The following LAMB4 variants were observed in gnomAD, a reference collection of about 807,000 sequenced individuals.
LAMB4 encodes laminin subunit beta-4.
LAMB4 carries 196 observed loss-of-function variants against 199.2 expected under a neutral mutation model. The ratio of observed to expected loss-of-function variants is 0.98; its 90% CI spans 0.88 to 1.11. LAMB4 has a LOEUF of 1.11. LAMB4 is among the 50% of genes least tolerant of loss of function. The pLI is 0.00. For missense variants in LAMB4, 2,080 were observed against 2,171.2 expected, an observed-to-expected ratio of 0.96 and a Z score of 0.83; for synonymous variants, 744 against 770.6, an observed-to-expected ratio of 0.97 and a Z score of 0.57.
chr7:108,119,782 C>A (rs1468549946), intron 2 of LAMB4, among the ~76,000 whole-genome samples: 1 of 152,090 alleles, frequency 6.6e-6, no homozygotes, highest in Non-Finnish European at 1.5e-5. Context: ...CTGGTGAAAT[C>A]TGAATAAGGC....
At position 108,049,409 on chromosome 7, in the gene LAMB4, C is replaced by T; in HGVS notation, c.4039G>A (p.Asp1347Asn). Residue 1347 changes from aspartate to asparagine, a missense_variant, in exon 27 of 34, where the codon GAT becomes AAT. Physicochemically the swap from Asp to Asn is conservative, Grantham distance 23. Coordinates refer to ENST00000388781, the MANE Select transcript of LAMB4 (RefSeq NM_007356.3). Reference protein sequence around the residue: ...NTRNDLLTILDTLTSKGNLSL... With the variant: ...NTRNDLLTILNTLTSKGNLSL... ...AAGTTTCCTTTTGAGGTTAGTGTAT[C>T]TAAGATGGTAAGTAAGTCATTCCTT... 6.3e-7 allele frequency: 1 copy of T among 1,595,434 alleles called. No individual in the cohort carries two copies. Among genetic ancestry groups the T allele is most frequent in the Non-Finnish European group, 8.6e-7 (1 of 1,164,682 alleles).
chr7:108,083,521 T>C (rs1198045023), intron 14 of LAMB4, among the ~76,000 whole-genome samples: 1 of 152,166 alleles, frequency 6.6e-6, no homozygotes, highest in East Asian at 1.9e-4. Flanking sequence ...AGTTCAGCCA[T>C]GGTCATGCGA....
At chr7:108,129,226 T>TAC (rs2038897845) in intron 1 of LAMB4, among the ~76,000 whole-genome samples, 1 of 152,212 alleles carries the variant, frequency 6.6e-6, no homozygotes, top group East Asian at 1.9e-4. Context: ...CACAGGTGCA[T>TAC]CGTGTTTGAT....
At chr7:108,062,578 G>A in intron 23 of LAMB4, 196 bp downstream of exon 23, 1 of 377,644 alleles carries the variant, frequency 2.6e-6, no homozygotes, top group Non-Finnish European at 4.7e-6. Flanking sequence ...AGGCGAAGCT[G>A]AACTTTGAGA....
chr7:108,082,801 G>C (rs2037005988), intron 14 of LAMB4, among the ~76,000 whole-genome samples: 1 of 152,168 alleles, frequency 6.6e-6, no homozygotes, highest in Admixed American at 6.5e-5. Context: ...TTGCAAATCA[G>C]GGTCATCCTC....
chr7:108,077,045 G>T lies in LAMB4; in HGVS notation c.2023C>A (p.Pro675Thr). The T allele has an allele frequency of 1.2e-6, 2 of 1,613,616 alleles. No individual in the cohort carries two copies. The highest frequency in any genetic ancestry group is 1.1e-5 in the South Asian group (1 of 91,052). Residue 675 changes from proline (P) to threonine (T), a missense_variant, in exon 17 of 34, where the codon CCC (proline) becomes ACC (threonine). Transcript: ENST00000388781. ...TGTACATCTGGTTCTAAACAGATGG[G>T]TGTGGGAAGCAGCATGATTCTGTAT... is the stretch of plus-strand genomic sequence containing the variant. ...AATRIMLLPT[P>T]ICLEPDVQYS...
intron 19 of LAMB4, among the ~76,000 whole-genome samples, chr7:108,067,167 G>C (rs2036372295): frequency 6.6e-6 from 1 of 152,062 alleles, no homozygotes; most frequent in Admixed American, 6.6e-5. Context: ...CCTTTGTCTA[G>C]ATCCCTCTGT....
At chr7:108,066,632 G>A (rs185550579) in intron 19 of LAMB4, 32 bp from the exon 20 acceptor site, 116 of 1,383,414 alleles carry the variant, frequency 8.4e-5, no homozygotes, top group African/African-American at 5.3e-4. Context: ...ATGCTGGAGC[G>A]GGGATGAGTG....
chr7:108,079,823 A>T, intron 14 of LAMB4, 37 bp from the exon 15 acceptor site: 1 of 1,499,160 alleles, frequency 6.7e-7, no homozygotes, highest in Non-Finnish European at 8.9e-7. Flanking sequence ...CTTTGCCTAC[A>T]GTCAAGGCCT....
Position 108,037,332 on chromosome 7 carries a change from G to A in LAMB4, c.4679+56C>T. 14 of 1,349,124 alleles carry A rather than the reference G, an allele frequency of 1.0e-5. 1 individual carries two copies. The South Asian group carries it at 1.7e-4, about 17-fold the overall frequency. The allele number at this position is 1,349,124 out of a possible 1,614,324, so 83.6% of individuals were successfully genotyped here. The stretch of plus-strand genomic sequence containing the variant: ...ATCCCTAGGCAAACATTTTCCTGAT[G>A]TCCTTTCAGCAGATGGTCTGTTAGA... On this transcript the variant is annotated intron_variant, in intron 30 of 33. Transcript: ENST00000388781.
chr7:108,124,281 T>C (rs981467578), intron 1 of LAMB4, among the ~76,000 whole-genome samples: 4 of 152,228 alleles, frequency 2.6e-5, no homozygotes, highest in African/African-American at 9.6e-5. Context: ...GAAACTAGAA[T>C]TGATTTAATG....
rs1052823132 is a variant in LAMB4 at position 108,117,353 on chromosome 7, G to A, written c.35-1192C>T. Among the ~76,000 whole-genome samples the A allele has an allele frequency of 4.6e-5, 7 of 152,296 alleles. No homozygotes were observed. The East Asian group carries it at 1.4e-3, about 29-fold the overall frequency. ...ACATCTATACGGGCATGAGGGGCAA[G>A]TAGGGTCATCTGAAATAGTTCTTTC... On this transcript the variant is annotated intron_variant, in intron 2 of 33. Coordinates refer to ENST00000388781, the MANE Select transcript of LAMB4 (RefSeq NM_007356.3).
intron 11 of LAMB4, among the ~76,000 whole-genome samples, 188 bp from the exon 12 acceptor site, chr7:108,095,525 CA>C (rs2037563913): frequency 6.6e-6 from 1 of 152,166 alleles, no homozygotes; most frequent in South Asian, 2.1e-4. Flanking sequence ...AATCCTGTGT[CA>C]GGCACTTCCA....
At chr7:108,057,117 T>C (rs2036010174) in intron 24 of LAMB4, among the ~76,000 whole-genome samples, 1 of 152,062 alleles carries the variant, frequency 6.6e-6, no homozygotes, top group South Asian at 2.1e-4. Flanking sequence ...GTCATGTCAC[T>C]TCATCACCTG....
At chr7:108,114,497 G>A (rs967481642) in intron 3 of LAMB4, among the ~76,000 whole-genome samples, 6 of 152,190 alleles carry the variant, frequency 3.9e-5, no homozygotes, top group African/African-American at 1.4e-4. Flanking sequence ...TAGTCACCTG[G>A]CCTAGAGTTG....
At chr7:108,066,057 G>T (rs535210789) in intron 20 of LAMB4, 138 bp from the exon 21 acceptor site, 3 of 864,604 alleles carry the variant, frequency 3.5e-6, no homozygotes, top group Admixed American at 3.0e-5. Flanking sequence ...TCTGCAAAAC[G>T]ACTTTTGGTT....
At position 108,037,547 on chromosome 7, in the gene LAMB4, A is replaced by G; in HGVS notation, c.4520T>C (p.Leu1507Pro). ...EDIEKVANGVLDIHLPIPSQN... is the reference protein window; with the variant it reads ...EDIEKVANGVPDIHLPIPSQN... ...GGATGGAATTGGTAGGTGAATGTCA[A>G]GCACACCATTCGCAACCTTCTCGAT... The change falls in exon 30 of 34, where the codon CTT (leucine) becomes CCT (proline). Residue 1507 changes from leucine (L) to proline (P), a missense_variant. Physicochemically the swap from Leu to Pro is moderately conservative, Grantham distance 98. Transcript: ENST00000388781. 2.5e-6 allele frequency: 4 copies of G among 1,614,194 alleles called. No individual in the cohort carries two copies. Among genetic ancestry groups the G allele is most frequent in the Non-Finnish European group, 3.4e-6 (4 of 1,180,022 alleles).
intron 2 of LAMB4, among the ~76,000 whole-genome samples, chr7:108,116,614 C>A (rs1329705016): frequency 4.6e-5 from 7 of 152,146 alleles, no homozygotes; most frequent in Non-Finnish European, 8.8e-5. Context: ...TCTAGCATTT[C>A]CCAAATTTAT....
chr7:108,115,845 C>A (rs2038385171), intron 3 of LAMB4, among the ~76,000 whole-genome samples, 159 bp downstream of exon 3: 1 of 152,222 alleles, frequency 6.6e-6, no homozygotes, highest in South Asian at 2.1e-4. Context: ...GGTCCCGGCA[C>A]CAACGCCCCG....
Sources: gnomAD v4.1 joint callset for allele counts (sites outside exome capture counted in the v4.1 genomes callset) on GRCh38, gnomAD v4.1.1 for gene constraint, MANE v1.5 for transcripts, NCBI Gene and HGNC (gene_info 2026-07-23, HGNC 2026-07-21) for gene names.